KIF5B: variants seen among roughly 807,000 people sequenced by gnomAD.
KIF5B encodes the protein kinesin-1 heavy chain.
KIF5B carries 49 observed loss-of-function variants against 132.8 expected under a neutral mutation model. The observed-to-expected ratio is 0.37, with a 90% CI of 0.29 to 0.47. KIF5B has a LOEUF of 0.47. KIF5B is among the 20% of genes least tolerant of loss of function. KIF5B has a pLI of 1.00. For missense variants in KIF5B, 780 were observed against 1,144.0 expected, an observed-to-expected ratio of 0.68 and a Z score of 4.59; for synonymous variants, 355 against 369.4, an observed-to-expected ratio of 0.96 and a Z score of 0.45.
chr10:32,016,268 C>T (rs1841160751), intron 24 of KIF5B, among the ~76,000 whole-genome samples: 1 of 151,968 alleles, frequency 6.6e-6, no homozygotes, highest in Non-Finnish European at 1.5e-5. Context: ...ACCAGCCTGA[C>T]CAACAAGGAG....
chr10:32,042,952 T>C (rs1244208161), intron 2 of KIF5B, among the ~76,000 whole-genome samples: 1 of 152,098 alleles, frequency 6.6e-6, no homozygotes, highest in African/African-American at 2.4e-5. Context: ...TTATATATTA[T>C]TGTATTTAAT....
At chr10:32,033,796 T>C in intron 12 of KIF5B, 49 bp downstream of exon 12, 2 of 1,286,262 alleles carry the variant, frequency 1.6e-6, no homozygotes, top group Non-Finnish European at 2.2e-6. Flanking sequence ...AAAACACCCA[T>C]GTCAATAGTA....
rs1841034332 is a variant in KIF5B at position 32,009,205 on chromosome 10, A to T, written c.*2332T>A. On this transcript the variant is annotated 3_prime_UTR_variant, in exon 26 of 26. Coordinates refer to ENST00000302418, the MANE Select transcript of KIF5B (RefSeq NM_004521.3). ...CCTCATGTCAAATGGAGTTAAGCAC[A>T]AACTGAGAGTTACGCACAGTAGTTT... The T allele has an allele frequency of 6.6e-6, 1 of 152,240 alleles. No individual in the cohort carries two copies. The highest frequency in any genetic ancestry group is 2.4e-5 in the African/African-American group (1 of 41,460). 9.4% of individuals were successfully genotyped at this position (152,240 alleles called of 1,614,324 possible).
At chr10:32,040,657 A>ACACACACACACACC (rs370537671) in intron 2 of KIF5B, among the ~76,000 whole-genome samples, 200 bp from the exon 3 acceptor site, 4,066 of 137,616 alleles carry the variant, frequency 0.03, 84 homozygotes, top group Admixed American at 0.045. Context: ...ACACACACAC[A>ACACACACACACACC]CCCTCTTCCT....
Position 32,035,605 on chromosome 10 carries a change from G to A in KIF5B, c.879C>T (p.Asn293=). 2 of 1,612,610 alleles carry A rather than the reference G, an allele frequency of 1.2e-6. No homozygotes were observed. The highest frequency in any genetic ancestry group is 1.7e-6 in the Non-Finnish European group (2 of 1,178,808). ...AGCAAATTACAATAGTGGTTCTACA[G>A]TTGCCACCTAATGAATCTTGAAGGA... is the stretch of plus-strand genomic sequence containing the variant. The part of the protein sequence containing the change: ...TRILQDSLGG[N]CRTTIVICCS... The change falls in exon 10 of 26, where the codon AAC becomes AAT. Residue 293 remains asparagine, a synonymous_variant. Coordinates refer to ENST00000302418, the MANE Select transcript of KIF5B (RefSeq NM_004521.3).
chr10:32,024,178 G>T (rs1403387861), intron 15 of KIF5B, among the ~76,000 whole-genome samples: 1 of 95,102 alleles, frequency 1.1e-5, no homozygotes, highest in African/African-American at 4.2e-5. Flanking sequence ...TTTTTGAGAC[G>T]GAGTCTCGCT....
chr10:32,012,217 A>C (rs755092964), intron 25 of KIF5B, among the ~76,000 whole-genome samples: 1 of 152,224 alleles, frequency 6.6e-6, no homozygotes, highest in Non-Finnish European at 1.5e-5. Flanking sequence ...TCACACCTGT[A>C]ATCTGAGCAC....
In KIF5B at chr10:32,046,670, A is replaced by G. The variant is rs186389147; in HGVS notation, c.214+1794T>C. On this transcript the variant is annotated intron_variant, in intron 2 of 25. Transcript: ENST00000302418. ...TGGCCTCAAGCAATCCTCCCACCTC[A>G]GCCTCCCAAAGTGCTGGAATTACAG... Among the ~76,000 whole-genome samples, 85 of 152,210 alleles carry G rather than the reference A, an allele frequency of 5.6e-4. No individual in the cohort carries two copies. In the East Asian group the frequency reaches 0.015, roughly 27 times the overall value.
intron 1 of KIF5B, among the ~76,000 whole-genome samples, chr10:32,051,825 G>T (rs1841698526): frequency 6.6e-6 from 1 of 152,104 alleles, no homozygotes; most frequent in Admixed American, 6.5e-5. Context: ...ATTTCTAATG[G>T]TCTATAATTA....
At chr10:32,049,948 G>C (rs1841667786) in intron 1 of KIF5B, among the ~76,000 whole-genome samples, 1 of 151,874 alleles carries the variant, frequency 6.6e-6, no homozygotes, top group Admixed American at 6.6e-5. Context: ...TTTAAGACTT[G>C]TAAGACCTGA....
intron 15 of KIF5B, among the ~76,000 whole-genome samples, chr10:32,027,139 G>A (rs541339445): frequency 1.2e-4 from 18 of 152,190 alleles, no homozygotes; most frequent in Non-Finnish European, 2.2e-4. Context: ...AAACTTTTAC[G>A]TCAGTTCCAA....
chr10:32,054,205 T>A (rs577730552), intron 1 of KIF5B, among the ~76,000 whole-genome samples: 1 of 152,336 alleles, frequency 6.6e-6, no homozygotes, highest in East Asian at 1.9e-4. Context: ...CAAAAACTCT[T>A]AAGAAACTAA....
intron 2 of KIF5B, among the ~76,000 whole-genome samples, chr10:32,044,652 GACA>G (rs989403779): frequency 2.0e-5 from 3 of 151,594 alleles, no homozygotes; most frequent in African/African-American, 2.4e-5. Context: ...GTCCAGCCTG[GACA>G]ACAAGAGCGA....
chr10:32,011,583 T>C (rs765707067), intron 25 of KIF5B, 67 bp from the exon 26 acceptor site: 1 of 152,164 alleles, frequency 6.6e-6, no homozygotes. Flanking sequence ...GAGATAATCA[T>C]GAAGAATAAA....
chr10:32,016,039 A>G (rs1283662815), intron 24 of KIF5B, among the ~76,000 whole-genome samples: 2 of 151,874 alleles, frequency 1.3e-5, no homozygotes, highest in Non-Finnish European at 2.9e-5. Context: ...AGCTACTTGG[A>G]AGGCTGAGGT....
In KIF5B at chr10:32,009,650, G is replaced by GA. The variant is rs1490833156; in HGVS notation, c.*1886dup. On this transcript the variant is annotated 3_prime_UTR_variant, in exon 26 of 26. Coordinates refer to ENST00000302418, the MANE Select transcript of KIF5B (RefSeq NM_004521.3). ...TACAAGAACAAAACTAACATATTTG[G>GA]AAAAAAGAGAAAAAAAAATTCTGCT... The GA allele has an allele frequency of 6.6e-6, 1 of 151,682 alleles. No individual in the cohort carries two copies. The highest frequency in any genetic ancestry group is 1.5e-5 in the Non-Finnish European group (1 of 67,938). The allele number at this position is 151,682 out of a possible 1,614,324, so 9.4% of individuals were successfully genotyped here. A position where few individuals can be genotyped will look rare whatever the true frequency, so the allele number is the denominator to read the frequency against.
intron 2 of KIF5B, among the ~76,000 whole-genome samples, chr10:32,048,242 A>G (rs1477495116): frequency 2.0e-5 from 3 of 152,234 alleles, no homozygotes; most frequent in East Asian, 3.8e-4. Context: ...CATAGTTCTC[A>G]TAATAACCTT....
chr10:32,039,629 A>AG (rs1203943014), intron 3 of KIF5B, among the ~76,000 whole-genome samples, 198 bp from the exon 4 acceptor site: 1 of 152,178 alleles, frequency 6.6e-6, no homozygotes, highest in Non-Finnish European at 1.5e-5. Context: ...GGTTACCAAC[A>AG]GATCTTAACC....
intron 12 of KIF5B, 85 bp from the exon 13 acceptor site, chr10:32,032,859 C>A: frequency 1.1e-6 from 1 of 935,596 alleles, no homozygotes; most frequent in Non-Finnish European, 1.7e-6. Context: ...ATTACTACTC[C>A]CCAGAAATAT....
Sources: gnomAD v4.1 joint callset for allele counts (sites outside exome capture counted in the v4.1 genomes callset) on GRCh38, gnomAD v4.1.1 for gene constraint, MANE v1.5 for transcripts, NCBI Gene and HGNC (gene_info 2026-07-23, HGNC 2026-07-21) for gene names.